Variants in ADAMTS17 observed in about 807,000 individuals in gnomAD.
The protein encoded by ADAMTS17 is ADAM metallopeptidase with thrombospondin type 1 motif 17.
ADAMTS17 carries 113 observed loss-of-function variants against 141.5 expected under a neutral mutation model. The observed-to-expected ratio is 0.80, with a 90% CI of 0.69 to 0.93. The LOEUF (loss-of-function observed/expected upper bound fraction) is 0.93. ADAMTS17 is among the 40% of genes least tolerant of loss of function. The pLI is 0.00. For synonymous variants in ADAMTS17, 768 were observed against 630.6 expected (o/e 1.22, Z -3.27); for missense variants, 1,659 against 1,517.9 (o/e 1.09, Z -1.54).
At chr15:100,007,828 A>G (rs544958084) in intron 18 of ADAMTS17, among the ~76,000 whole-genome samples, 1 of 152,238 alleles carries the variant, frequency 6.6e-6, no homozygotes, top group East Asian at 1.9e-4. Context: ...CTGGAAAGTC[A>G]TGAGCAAAGG....
intron 7 of ADAMTS17, among the ~76,000 whole-genome samples, chr15:100,214,726 C>A (rs2041916845): frequency 6.6e-6 from 1 of 152,184 alleles, no homozygotes. Context: ...GCTCGGCCCA[C>A]CATCCACGCA....
At chr15:100,076,423 T>C (rs1426617330) in intron 15 of ADAMTS17, among the ~76,000 whole-genome samples, 1 of 152,208 alleles carries the variant, frequency 6.6e-6, no homozygotes, top group African/African-American at 2.4e-5. Context: ...AATTTTCATC[T>C]TTTCCTTGGT....
chr15:100,152,530 T>A (rs1355831276), intron 10 of ADAMTS17, 82 bp downstream of exon 10: 1 of 1,587,482 alleles, frequency 6.3e-7, no homozygotes, highest in Non-Finnish European at 8.6e-7. Context: ...TGAATGCCCA[T>A]GTCCTCCAGC....
intron 18 of ADAMTS17, among the ~76,000 whole-genome samples, chr15:100,034,966 C>T (rs1686389177): frequency 6.6e-6 from 1 of 152,210 alleles, no homozygotes; most frequent in African/African-American, 2.4e-5. Flanking sequence ...GCACACAGAG[C>T]TGGAAGGCCA....
intron 8 of ADAMTS17, among the ~76,000 whole-genome samples, chr15:100,185,764 T>G (rs1480870972): frequency 6.6e-6 from 1 of 152,200 alleles, no homozygotes; most frequent in African/African-American, 2.4e-5. Flanking sequence ...CACTCAGTCC[T>G]TCCAGCCGTT....
chr15:100,241,968 T>C (rs904100717), intron 7 of ADAMTS17, among the ~76,000 whole-genome samples: 1 of 152,058 alleles, frequency 6.6e-6, no homozygotes, highest in Non-Finnish European at 1.5e-5. Context: ...TAACCTTCCT[T>C]CCCGTTCCTG....
At chr15:100,323,640 A>T (rs1418381025) in intron 3 of ADAMTS17, among the ~76,000 whole-genome samples, 2 of 151,700 alleles carry the variant, frequency 1.3e-5, no homozygotes, top group East Asian at 2.1e-4. Flanking sequence ...GAAAAAAAAT[A>T]AAGATACAAA....
chr15:100,048,377 T>C lies in ADAMTS17; in HGVS notation c.2591+480A>G, dbSNP rs115957889. On this transcript the variant is annotated intron_variant, in intron 18 of 21. Transcript: ENST00000268070. Reference sequence around the variant, plus strand: ...ACAAGGGTAACACGGCCATGAAAGCTGGGGCTGGGACAGAAGTTCTGATGG... The same window carrying C: ...ACAAGGGTAACACGGCCATGAAAGCCGGGGCTGGGACAGAAGTTCTGATGG... Among the ~76,000 whole-genome samples, 195 of 152,248 alleles carry C rather than the reference T, an allele frequency of 1.3e-3. 1 individual carries two copies. Among genetic ancestry groups the C allele is most frequent in the African/African-American group, 4.5e-3 (185 of 41,540 alleles).
At chr15:100,152,524 T>C (rs2039219327) in intron 10 of ADAMTS17, 88 bp downstream of exon 10, 3 of 1,566,748 alleles carry the variant, frequency 1.9e-6, no homozygotes, top group Non-Finnish European at 2.6e-6. Context: ...TGAGTGTGAA[T>C]GCCCATGTCC....
At chr15:100,219,828 T>C (rs2042077352) in intron 7 of ADAMTS17, among the ~76,000 whole-genome samples, 2 of 152,136 alleles carry the variant, frequency 1.3e-5, no homozygotes, top group African/African-American at 4.8e-5. Context: ...TGCAAAAAGA[T>C]ACAAACCATT....
intron 3 of ADAMTS17, among the ~76,000 whole-genome samples, chr15:100,319,916 G>A (rs143308052): frequency 1.9e-3 from 290 of 152,080 alleles, no homozygotes; most frequent in Non-Finnish European, 3.6e-3. Context: ...GGCAGCAAGA[G>A]CGAAACTCTG....
chr15:100,163,077 T>G (rs986592541), intron 8 of ADAMTS17, among the ~76,000 whole-genome samples: 1 of 150,250 alleles, frequency 6.7e-6, no homozygotes, highest in African/African-American at 2.4e-5. Flanking sequence ...TGTATACATA[T>G]AACTATATAG....
intron 12 of ADAMTS17, among the ~76,000 whole-genome samples, chr15:100,130,122 TG>T (rs1188810034): frequency 2.6e-5 from 4 of 152,162 alleles, no homozygotes; most frequent in Admixed American, 2.6e-4. Context: ...CCCAGCATTT[TG>T]GGAGGCAGAG....
intron 10 of ADAMTS17, among the ~76,000 whole-genome samples, chr15:100,137,150 T>C (rs1249532056): frequency 6.6e-6 from 1 of 152,056 alleles, no homozygotes; most frequent in Non-Finnish European, 1.5e-5. Flanking sequence ...GAAGAACCCA[T>C]AGAAAATGGG....
chr15:100,188,808 C>CTGCCTGTGCTT (rs1354564393), intron 8 of ADAMTS17, among the ~76,000 whole-genome samples: 1 of 152,212 alleles, frequency 6.6e-6, no homozygotes, highest in Non-Finnish European at 1.5e-5. Context: ...CCTTCTAGCA[C>CTGCCTGTGCTT]TGCACAGGCA....
chr15:100,096,243 AT>A (rs1487300231), intron 15 of ADAMTS17, 112 bp downstream of exon 15: 1 of 1,552,754 alleles, frequency 6.4e-7, no homozygotes, highest in African/African-American at 1.4e-5. Flanking sequence ...CAGGTCACCT[AT>A]CCACTACCAT....
chr15:99,994,545 A>G (rs28583020), intron 19 of ADAMTS17, among the ~76,000 whole-genome samples: 4,755 of 152,054 alleles, frequency 0.031, 245 homozygotes, highest in African/African-American at 0.11. Context: ...CATTTATCCC[A>G]AGATATGATC....
intron 8 of ADAMTS17, among the ~76,000 whole-genome samples, chr15:100,181,483 T>C (rs2040523012): frequency 1.3e-5 from 2 of 152,242 alleles, no homozygotes; most frequent in African/African-American, 4.8e-5. Flanking sequence ...TACCTGGGTA[T>C]ACCTCTGATT....
At chr15:100,300,180 A>C (rs549906929) in intron 3 of ADAMTS17, among the ~76,000 whole-genome samples, 2 of 151,890 alleles carry the variant, frequency 1.3e-5, no homozygotes, top group Non-Finnish European at 2.9e-5. Flanking sequence ...GGTGTCCTTC[A>C]CTCCTCCAGA....
Sources: allele counts gnomAD v4.1 joint callset (sites outside exome capture counted in the v4.1 genomes callset), GRCh38; gene constraint gnomAD v4.1.1; transcripts MANE v1.5; gene names NCBI Gene and HGNC (gene_info 2026-07-23, HGNC 2026-07-21).